PDZK1: variants seen among roughly 807,000 people sequenced by gnomAD.
PDZK1 encodes the protein PDZ domain containing 1.
Under a neutral mutation model 38.1 loss-of-function variants are expected in PDZK1, and 23 were observed. The observed-to-expected ratio is 0.60, with a 90% CI of 0.43 to 0.85. The LOEUF is 0.85. Ranked by LOEUF, PDZK1 falls within the 40% of genes least tolerant of loss-of-function variation. PDZK1 has a pLI of 0.00. For missense variants in PDZK1, 297 were observed against 504.3 expected (o/e 0.59, Z 3.94); for synonymous variants, 98 against 186.2 (o/e 0.53, Z 3.86).
chr1:145,687,670 A>G (rs1458896507), intron 2 of PDZK1, 142 bp downstream of exon 2: 2 of 689,714 alleles, frequency 2.9e-6, no homozygotes, highest in East Asian at 2.6e-5. Flanking sequence ...GGCCAACACA[A>G]GGTACAGCAA....
In PDZK1 at chr1:145,686,531, A is replaced by C. The variant is rs782208536; in HGVS notation, c.406T>G (p.Cys136Gly). ...GVQTWTQPRLCYLVKEGGSYG... is the reference protein window; with the variant it reads ...GVQTWTQPRLGYLVKEGGSYG... ...CTGCCTCCTTCCTTCACGAGATAGCAGAGCCGGGGCTGGGTCCAAGTTTGC... is the reference window on the plus strand; with the variant it reads ...CTGCCTCCTTCCTTCACGAGATAGCCGAGCCGGGGCTGGGTCCAAGTTTGC... Residue 136 changes from cysteine (C) to glycine (G), a missense_variant, in exon 3 of 9, where the codon TGC becomes GGC. By Grantham distance (159) the Cys-to-Gly change is radical. Around this residue, in one of 5 missense-constraint regions of PDZK1, gnomAD observed 159 missense variants for 200.0 expected, o/e 0.79. Coordinates refer to ENST00000417171, the MANE Select transcript of PDZK1 (RefSeq NM_001201325.2). 125 of 1,611,824 alleles carry C rather than the reference A, an allele frequency of 7.8e-5. 1 individual carries two copies. The highest frequency in any genetic ancestry group is 1.5e-4 in the Admixed American group (9 of 59,988).
intron 3 of PDZK1, among the ~76,000 whole-genome samples, chr1:145,685,043 G>A (rs1654630663): frequency 2.0e-5 from 3 of 151,996 alleles, no homozygotes; most frequent in Admixed American, 2.0e-4. Flanking sequence ...GCCACGTGGA[G>A]ATGCTAGACA....
intron 1 of PDZK1, among the ~76,000 whole-genome samples, chr1:145,697,966 A>T (rs1246168772): frequency 6.6e-6 from 1 of 151,734 alleles, no homozygotes; most frequent in African/African-American, 2.4e-5. Context: ...ATGTTTCTGT[A>T]TCAAGAGATG....
At chr1:145,706,977 G>A (rs587637242) in intron 1 of PDZK1, among the ~76,000 whole-genome samples, 10 of 152,078 alleles carry the variant, frequency 6.6e-5, no homozygotes, top group South Asian at 2.1e-4. Flanking sequence ...TATCCGCCTG[G>A]TTACCTGTGA....
At chr1:145,692,852 G>A (rs587694087) in intron 1 of PDZK1, among the ~76,000 whole-genome samples, 3 of 151,966 alleles carry the variant, frequency 2.0e-5, no homozygotes, top group African/African-American at 7.2e-5. Flanking sequence ...GGCCAACATG[G>A]TGAAACCTTG....
chr1:145,696,285 C>T (rs782378746), intron 1 of PDZK1, among the ~76,000 whole-genome samples: 46 of 152,182 alleles, frequency 3.0e-4, no homozygotes, highest in Non-Finnish European at 4.9e-4. Context: ...GAACTGATAA[C>T]CCTGGCTCAG....
chr1:145,696,366 T>C (rs587643942), intron 1 of PDZK1, among the ~76,000 whole-genome samples: 1 of 152,298 alleles, frequency 6.6e-6, no homozygotes, highest in Admixed American at 6.5e-5. Flanking sequence ...TATAGACTGA[T>C]TTTTGCCCCC....
At chr1:145,695,237 A>G (rs1655560639) in intron 1 of PDZK1, among the ~76,000 whole-genome samples, 2 of 151,980 alleles carry the variant, frequency 1.3e-5, no homozygotes, top group African/African-American at 4.8e-5. Flanking sequence ...CCTGGCCAAC[A>G]TGGCGAAACC....
rs587725163 is a variant in PDZK1 at position 145,699,182 on chromosome 1, G to T, written c.-3+8135C>A. Among the ~76,000 whole-genome samples the T allele has an allele frequency of 2.0e-5, 3 of 151,032 alleles. No homozygotes were observed. In the East Asian group the frequency reaches 5.9e-4, roughly 29 times the overall value. ...GAACCCAGGAGGCAAAGGTTGCAGT[G>T]AGCTGAGATCACGCCATTACACTCC... is the stretch of plus-strand genomic sequence containing the variant. On this transcript the variant is annotated intron_variant, in intron 1 of 8. Coordinates refer to ENST00000417171, the MANE Select transcript of PDZK1 (RefSeq NM_001201325.2).
chr1:145,700,390 C>T (rs782798649), intron 1 of PDZK1, among the ~76,000 whole-genome samples: 19 of 152,266 alleles, frequency 1.2e-4, no homozygotes, highest in South Asian at 2.1e-4. Flanking sequence ...AGAGTTCCAC[C>T]GCCTGGAGTG....
At chr1:145,684,369 C>T (rs1213583063) in intron 3 of PDZK1, among the ~76,000 whole-genome samples, 7 of 152,036 alleles carry the variant, frequency 4.6e-5, no homozygotes, top group African/African-American at 1.4e-4. Flanking sequence ...CCACCACACC[C>T]GGCTAATTTT....
intron 4 of PDZK1, among the ~76,000 whole-genome samples, chr1:145,681,431 C>T (rs1416843338): frequency 1.3e-5 from 2 of 149,198 alleles, no homozygotes; most frequent in East Asian, 3.9e-4. Flanking sequence ...TACAGGTGCC[C>T]GCCACCGCAC....
intron 6 of PDZK1, among the ~76,000 whole-genome samples, chr1:145,676,429 T>C (rs1653676931): frequency 6.6e-6 from 1 of 151,792 alleles, no homozygotes; most frequent in Admixed American, 6.6e-5. Context: ...TTGTGCCCCA[T>C]AGGACACCTT....
chr1:145,674,764 C>G (rs2101870458), intron 6 of PDZK1, among the ~76,000 whole-genome samples: 1 of 152,234 alleles, frequency 6.6e-6, no homozygotes, highest in South Asian at 2.1e-4. Context: ...CGTGGGGCTT[C>G]TCAGCCTCCA....
intron 6 of PDZK1, among the ~76,000 whole-genome samples, chr1:145,676,782 A>G (rs1653724905): frequency 6.6e-6 from 1 of 151,968 alleles, no homozygotes; most frequent in African/African-American, 2.4e-5. Context: ...CAAATTCTTG[A>G]AGATGCTCTC....
Position 145,671,455 on chromosome 1 carries a change from G to C in PDZK1, c.1541C>G (p.Ser514Cys). Residue 514 changes from serine (S) to cysteine (C), a missense_variant, in exon 9 of 9, where the codon TCT becomes TGT. Physicochemically the swap from Ser to Cys is moderately radical, Grantham distance 112. Around this residue, in one of 5 missense-constraint regions of PDZK1, gnomAD observed 54 missense variants for 72.1 expected, o/e 0.75. Coordinates refer to ENST00000417171, the MANE Select transcript of PDZK1 (RefSeq NM_001201325.2). ...HSTASHSSSN[S>C]EDTEM ...TTTTCATCACATCTCTGTATCTTCA[G>C]AATTGGAAGAAGAATGTGAGGCTGT... 6.4e-7 allele frequency: 1 copy of C among 1,573,140 alleles called. No homozygotes were observed. The highest frequency in any genetic ancestry group is 1.1e-5 in the South Asian group (1 of 89,000).
At chr1:145,678,059 A>G (rs1327241893) in intron 6 of PDZK1, among the ~76,000 whole-genome samples, 18 of 111,898 alleles carry the variant, frequency 1.6e-4, no homozygotes, top group African/African-American at 6.5e-4. Flanking sequence ...AGGGCTTACA[A>G]GTTGTTTAAT....
In PDZK1 at chr1:145,676,993, G is replaced by A. The variant is rs879988638; in HGVS notation, c.990+1456C>T. 3.8e-4 allele frequency among the ~76,000 whole-genome samples: 58 copies of A among 151,892 alleles called. 1 individual carries two copies. In the East Asian group the frequency reaches 4.3e-3, roughly 11 times the overall value. ...AATTCAACCCTCATAGCCACCCTTC[G>A]CTGTAGCTACTACCCCTCTCTTACA... On this transcript the variant is annotated intron_variant, in intron 6 of 8. Transcript: ENST00000417171.
At chr1:145,682,706 G>A (rs1654387076) in intron 3 of PDZK1, 70 bp from the exon 4 acceptor site, 2 of 1,367,844 alleles carry the variant, frequency 1.5e-6, no homozygotes, top group African/African-American at 2.8e-5. Flanking sequence ...AATCTGTGAT[G>A]TTGACTTCTG....
Sources: allele counts gnomAD v4.1 joint callset (sites outside exome capture counted in the v4.1 genomes callset), GRCh38; gene constraint gnomAD v4.1.1; regional missense constraint gnomAD v4.1.1; transcripts MANE v1.5; gene names NCBI Gene and HGNC (gene_info 2026-07-23, HGNC 2026-07-21).